The following ASIC2 variants were observed in gnomAD, a reference collection of about 807,000 sequenced individuals.
The protein encoded by ASIC2 is acid-sensing ion channel 2.
ASIC2 carries 25 observed loss-of-function variants against 57.3 expected under a neutral mutation model. The observed-to-expected ratio is 0.44, with a 90% CI of 0.32 to 0.61. The LOEUF (loss-of-function observed/expected upper bound fraction) is 0.61. ASIC2 is among the 20% of genes least tolerant of loss of function. The pLI is 0.06. For synonymous variants in ASIC2, 319 were observed against 307.5 expected, an observed-to-expected ratio of 1.04 and a Z score of -0.39; for missense variants, 641 against 738.1, an observed-to-expected ratio of 0.87 and a Z score of 1.52.
intron 1 of ASIC2, among the ~76,000 whole-genome samples, chr17:34,016,046 C>T (rs1567788953): frequency 1.3e-5 from 2 of 152,194 alleles, no homozygotes; most frequent in Admixed American, 1.3e-4. Context: ...CATGTCCTTT[C>T]GTCCAGAACA....
chr17:33,170,191 G>A (rs113682669), intron 1 of ASIC2, among the ~76,000 whole-genome samples: 6 of 152,232 alleles, frequency 3.9e-5, no homozygotes, highest in Admixed American at 6.5e-5. Flanking sequence ...TTATTTTCAC[G>A]GAAATGTCTG....
At chr17:33,465,846 T>C (rs1912847244) in intron 1 of ASIC2, among the ~76,000 whole-genome samples, 3 of 152,196 alleles carry the variant, frequency 2.0e-5, no homozygotes, top group African/African-American at 7.2e-5. Context: ...GTGCCCAACT[T>C]ATGTGGAGAT....
intron 3 of ASIC2, among the ~76,000 whole-genome samples, chr17:33,077,093 G>T (rs2092091815): frequency 6.6e-6 from 1 of 151,992 alleles, no homozygotes; most frequent in Admixed American, 6.6e-5. Context: ...TCTAAGAGAT[G>T]GGTGGCTTCT....
intron 1 of ASIC2, among the ~76,000 whole-genome samples, chr17:33,338,411 C>A (rs1040838968): frequency 6.6e-6 from 1 of 152,050 alleles, no homozygotes; most frequent in Non-Finnish European, 1.5e-5. Flanking sequence ...GTGGGAGGAA[C>A]GGCAGAAGTG....
intron 1 of ASIC2, among the ~76,000 whole-genome samples, chr17:33,219,432 A>ATGAGAGTG (rs2142096094): frequency 6.6e-6 from 1 of 152,364 alleles, no homozygotes; most frequent in East Asian, 1.9e-4. Context: ...CCTCCTTGGT[A>ATGAGAGTG]GACAACAGGT....
chr17:33,523,931 G>A (rs538250949), intron 1 of ASIC2, among the ~76,000 whole-genome samples: 20 of 152,268 alleles, frequency 1.3e-4, no homozygotes, highest in Non-Finnish European at 2.5e-4. Context: ...ATAGCCTCAG[G>A]AAATTGATCT....
At chr17:33,583,387 G>A (rs968072807) in intron 1 of ASIC2, among the ~76,000 whole-genome samples, 2 of 152,080 alleles carry the variant, frequency 1.3e-5, no homozygotes, top group African/African-American at 4.8e-5. Context: ...GACTTAGAAG[G>A]CCTTATATTA....
chr17:33,339,102 T>C lies in ASIC2; in HGVS notation c.556-227035A>G, dbSNP rs538561103. On this transcript the variant is annotated intron_variant, in intron 1 of 9. Coordinates refer to the ASIC2 transcript ENST00000359872. ...TTTTTTACCACGATAAAAATTAAGT[T>C]AAAAAAAAAGGAAAGAAAAAATAAA... is the stretch of plus-strand genomic sequence containing the variant. Among the ~76,000 whole-genome samples, 3 of 150,632 alleles carry C rather than the reference T, an allele frequency of 2.0e-5. No individual in the cohort carries two copies. The South Asian group carries it at 6.3e-4, about 32-fold the overall frequency.
Position 34,022,828 on chromosome 17 carries a change from G to A in ASIC2, c.555+133150C>T, listed in dbSNP as rs149625011. ...CTCCTCTGATATGATTTGAATTTGC[G>A]TCCAGGTCCAAATCTCATGTCAAAT... On this transcript the variant is annotated intron_variant, in intron 1 of 9. Transcript: ENST00000359872. Among the ~76,000 whole-genome samples the A allele has an allele frequency of 4.6e-5, 7 of 152,040 alleles. No individual in the cohort carries two copies. In the East Asian group the frequency reaches 1.2e-3, roughly 25 times the overall value.
At chr17:33,656,871 G>A (rs535355622) in intron 1 of ASIC2, among the ~76,000 whole-genome samples, 1 of 152,334 alleles carries the variant, frequency 6.6e-6, no homozygotes, top group Non-Finnish European at 1.5e-5. Flanking sequence ...AAAAGGCTAT[G>A]AAGAAGCAGA....
chr17:33,535,623 T>G (rs1225626970), intron 1 of ASIC2, among the ~76,000 whole-genome samples: 1 of 152,136 alleles, frequency 6.6e-6, no homozygotes, highest in Non-Finnish European at 1.5e-5. Context: ...CTGATGTGCC[T>G]TCTCCTCTCT....
chr17:33,408,268 C>T (rs1910536294), intron 1 of ASIC2, among the ~76,000 whole-genome samples: 1 of 152,192 alleles, frequency 6.6e-6, no homozygotes, highest in South Asian at 2.1e-4. Context: ...TTCTGATTTT[C>T]ACTCCCCAAC....
At chr17:33,463,898 C>G (rs1281942547) in intron 1 of ASIC2, among the ~76,000 whole-genome samples, 2 of 152,210 alleles carry the variant, frequency 1.3e-5, no homozygotes, top group African/African-American at 4.8e-5. Flanking sequence ...TAGTACAGCA[C>G]CTGGCACATA....
chr17:33,442,842 T>C (rs551556363), intron 1 of ASIC2, among the ~76,000 whole-genome samples: 1 of 152,334 alleles, frequency 6.6e-6, no homozygotes, highest in South Asian at 2.1e-4. Context: ...CAGTTGACAT[T>C]CTTGCATTTT....
chr17:34,155,787 T>G (rs1252200328), intron 1 of ASIC2: 5 of 625,072 alleles, frequency 8.0e-6, no homozygotes, highest in Non-Finnish European at 1.4e-5. Context: ...ACAGCAGTGC[T>G]CTATCCTGGC....
At chr17:33,744,603 TGCTATAATGTATTACCTAAA>T (rs2142099989) in intron 1 of ASIC2, among the ~76,000 whole-genome samples, 1 of 152,258 alleles carries the variant, frequency 6.6e-6, no homozygotes, top group East Asian at 1.9e-4. Context: ...TATCCAGAAT[TGCTATAATGTATTACCTAAA>T]GCATCCATTT....
chr17:33,935,470 G>A (rs1916038176), intron 1 of ASIC2: 1 of 152,296 alleles, frequency 6.6e-6, no homozygotes, highest in East Asian at 1.9e-4. Context: ...ATTTATTAAT[G>A]ATGAATACAA....
At chr17:34,129,165 G>A (rs1199716058) in intron 1 of ASIC2, among the ~76,000 whole-genome samples, 2 of 152,146 alleles carry the variant, frequency 1.3e-5, no homozygotes, top group Non-Finnish European at 2.9e-5. Context: ...TACACGTCAA[G>A]CACTATGCTT....
At chr17:33,964,839 G>C (rs1457051962) in intron 1 of ASIC2, among the ~76,000 whole-genome samples, 2 of 152,206 alleles carry the variant, frequency 1.3e-5, no homozygotes, top group Non-Finnish European at 2.9e-5. Context: ...CAGAACATAG[G>C]CTTCTTGTCC....
Sources: gnomAD v4.1 joint callset for allele counts (sites outside exome capture counted in the v4.1 genomes callset) on GRCh38, gnomAD v4.1.1 for gene constraint, MANE v1.5 for transcripts, NCBI Gene and HGNC (gene_info 2026-07-23, HGNC 2026-07-21) for gene names.